The following NBAS variants were observed in gnomAD, a reference collection of about 807,000 sequenced individuals.
NBAS encodes the protein NAG/BC035112 fusion.
In NBAS, 219 loss-of-function variants were observed where a neutral mutation model predicts 302.5. The observed-to-expected ratio is 0.72, with a 90% CI of 0.65 to 0.81. The LOEUF (loss-of-function observed/expected upper bound fraction) is 0.81, where lower values mean the gene tolerates loss of function less well. Among genes scored for constraint, NBAS ranks in the 30% least tolerant of loss-of-function variants. NBAS has a pLI of 0.00. For missense variants in NBAS, 2,932 were observed against 2,841.6 expected (o/e 1.03, Z -0.72); for synonymous variants, 1,118 against 1,021.6 (o/e 1.09, Z -1.80).
At chr2:15,156,259 C>A in the NBAS span, among the ~76,000 whole-genome samples, 1 of 152,172 alleles carries the variant, frequency 6.6e-6, no homozygotes, top group Non-Finnish European at 1.5e-5. Context: ...CTTCCCCAAC[C>A]AAGGCCTCTT....
In NBAS at chr2:15,370,047, A is replaced by T. The variant is rs117922165; in HGVS notation, c.3704-3354T>A. On this transcript the variant is annotated intron_variant, in intron 31 of 51. Coordinates refer to ENST00000281513, the MANE Select transcript of NBAS (RefSeq NM_015909.4). Reference sequence around the variant, plus strand: ...AAGGTGTAACACGCAGGAGTCAAACACTTAGCTGACCAGTAGGAGGACAAG... The same window carrying T: ...AAGGTGTAACACGCAGGAGTCAAACTCTTAGCTGACCAGTAGGAGGACAAG... Among the ~76,000 whole-genome samples, 32 of 152,300 alleles carry T rather than the reference A, an allele frequency of 2.1e-4. 2 individuals carry two copies. The East Asian group carries it at 2.7e-3, about 13-fold the overall frequency.
At chr2:15,426,589 A>G (rs945839618) in intron 22 of NBAS, among the ~76,000 whole-genome samples, 3 of 152,054 alleles carry the variant, frequency 2.0e-5, no homozygotes, top group African/African-American at 7.2e-5. Flanking sequence ...CACATTTTTA[A>G]TGTCCTAAAT....
intron 7 of NBAS, among the ~76,000 whole-genome samples, chr2:15,537,565 G>C (rs963293183): frequency 2.0e-5 from 3 of 152,170 alleles, no homozygotes; most frequent in African/African-American, 4.8e-5. Context: ...ACCACTTGAA[G>C]TCAGGAGTCC....
In NBAS at chr2:15,467,814, T is replaced by A; in HGVS notation, c.1878-10A>T. On this transcript the variant is annotated splice_polypyrimidine_tract_variant and intron_variant, in intron 17 of 51. Coordinates refer to ENST00000281513, the MANE Select transcript of NBAS (RefSeq NM_015909.4). ...ACCAGGTAATGTAAATCTGCAAGTA[T>A]AAAAGAACAAATATATTTTCATCAT... 6.4e-7 allele frequency: 1 copy of A among 1,569,348 alleles called. No individual in the cohort carries two copies. Among genetic ancestry groups the A allele is most frequent in the Non-Finnish European group, 8.8e-7 (1 of 1,141,576 alleles).
At chr2:15,557,917 C>T (rs1223905926) in intron 2 of NBAS, among the ~76,000 whole-genome samples, 2 of 152,092 alleles carry the variant, frequency 1.3e-5, no homozygotes, top group Admixed American at 1.3e-4. Flanking sequence ...AAATGAATAC[C>T]CTGGCTTATC....
the NBAS span, among the ~76,000 whole-genome samples, chr2:15,090,349 T>C: frequency 6.6e-6 from 1 of 152,230 alleles, no homozygotes; most frequent in Non-Finnish European, 1.5e-5. Flanking sequence ...CTTTCATTGA[T>C]GTAAAATATT....
chr2:15,317,509 G>A (rs1671568859), intron 38 of NBAS, among the ~76,000 whole-genome samples: 1 of 152,126 alleles, frequency 6.6e-6, no homozygotes, highest in Non-Finnish European at 1.5e-5. Flanking sequence ...TTGAAAAAGG[G>A]TTAGACGAAT....
At chr2:15,025,717 T>C in the NBAS span, among the ~76,000 whole-genome samples, 3 of 152,200 alleles carry the variant, frequency 2.0e-5, no homozygotes, top group African/African-American at 7.2e-5. Flanking sequence ...TTTACTCATT[T>C]TGTGACAATT....
At chr2:14,968,008 C>T in the NBAS span, among the ~76,000 whole-genome samples, 3 of 152,160 alleles carry the variant, frequency 2.0e-5, no homozygotes, top group African/African-American at 4.8e-5. Flanking sequence ...CCTAGCTCCA[C>T]CCCCTAGCCA....
At chr2:14,877,994 C>G in the NBAS span, among the ~76,000 whole-genome samples, 1 of 152,102 alleles carries the variant, frequency 6.6e-6, no homozygotes, top group Non-Finnish European at 1.5e-5. Flanking sequence ...TCTCAAAAGC[C>G]TGCGATACTG....
At chr2:15,303,547 C>T (rs1388463103) in intron 40 of NBAS, among the ~76,000 whole-genome samples, 2 of 152,190 alleles carry the variant, frequency 1.3e-5, no homozygotes, top group African/African-American at 4.8e-5. Context: ...CAAGCTTTAG[C>T]TGTGGACACC....
At chr2:15,268,017 G>C (rs1669153318) in intron 44 of NBAS, among the ~76,000 whole-genome samples, 1 of 152,144 alleles carries the variant, frequency 6.6e-6, no homozygotes, top group Non-Finnish European at 1.5e-5. Flanking sequence ...TGCATAAAAT[G>C]TATAGTGATT....
intron 12 of NBAS, among the ~76,000 whole-genome samples, chr2:15,488,474 G>A (rs1199441888): frequency 6.6e-6 from 1 of 152,134 alleles, no homozygotes; most frequent in Non-Finnish European, 1.5e-5. Flanking sequence ...TCAGTGAAGA[G>A]AAGGTAACTC....
chr2:15,059,997 T>C, the NBAS span, among the ~76,000 whole-genome samples: 1 of 145,562 alleles, frequency 6.9e-6, no homozygotes, highest in Admixed American at 6.9e-5. Context: ...ACACTCCACG[T>C]AGAAGTGTCG....
chr2:15,476,479 T>G (rs1401668807), intron 13 of NBAS, among the ~76,000 whole-genome samples: 1 of 152,022 alleles, frequency 6.6e-6, no homozygotes. Context: ...TCCCAGCACT[T>G]TGGGAGGCTG....
chr2:15,144,787 G>A, the NBAS span, among the ~76,000 whole-genome samples: 6 of 152,362 alleles, frequency 3.9e-5, no homozygotes, highest in East Asian at 9.6e-4. Context: ...TACGATACAG[G>A]TGGTTGCGTT....
chr2:15,169,207 C>CACTT (rs1455383229), intron 51 of NBAS, among the ~76,000 whole-genome samples: 1 of 152,190 alleles, frequency 6.6e-6, no homozygotes, highest in Non-Finnish European at 1.5e-5. Context: ...AATTCATGAA[C>CACTT]ACTTGTACAG....
At chr2:14,830,865 T>C in the NBAS span, among the ~76,000 whole-genome samples, 3 of 152,226 alleles carry the variant, frequency 2.0e-5, no homozygotes, top group Non-Finnish European at 4.4e-5. Flanking sequence ...AGCCAGCTCC[T>C]TGATTTACAC....
chr2:15,011,896 C>G, the NBAS span, among the ~76,000 whole-genome samples: 4 of 152,128 alleles, frequency 2.6e-5, no homozygotes, highest in African/African-American at 9.7e-5. Context: ...AACCAACACC[C>G]CAAGATCCAT....
Sources: gnomAD v4.1 joint callset for allele counts (sites outside exome capture counted in the v4.1 genomes callset) on GRCh38, gnomAD v4.1.1 for gene constraint, MANE v1.5 for transcripts, NCBI Gene and HGNC (gene_info 2026-07-23, HGNC 2026-07-21) for gene names.